Variants in SUGCT observed in about 807,000 individuals in gnomAD.
The protein encoded by SUGCT is succinyl-CoA:glutarate-CoA transferase.
In SUGCT, 41 loss-of-function variants were observed where a neutral mutation model predicts 55.0. The observed-to-expected ratio is 0.74, with a 90% CI of 0.58 to 0.97. The LOEUF (loss-of-function observed/expected upper bound fraction) is 0.97. Ranked by LOEUF, SUGCT falls within the 50% of genes least tolerant of loss-of-function variation. SUGCT has a pLI of 0.00. For missense variants in SUGCT, 568 were observed against 547.8 expected (o/e 1.04, Z -0.37); for synonymous variants, 187 against 200.4 (o/e 0.93, Z 0.56).
chr7:40,153,687 G>T (rs751285091), intron 1 of SUGCT: 3 of 508,336 alleles, frequency 5.9e-6, no homozygotes, highest in Non-Finnish European at 7.9e-6. Context: ...ATGTTTTCAC[G>T]TTATATTCTG....
chr7:40,402,502 T>C (rs1583603445), intron 9 of SUGCT, among the ~76,000 whole-genome samples: 1 of 152,228 alleles, frequency 6.6e-6, no homozygotes, highest in East Asian at 1.9e-4. Flanking sequence ...TGGGGGAAAA[T>C]TTATTATTAG....
chr7:40,674,132 A>G (rs1382032884), intron 12 of SUGCT, among the ~76,000 whole-genome samples: 3 of 152,248 alleles, frequency 2.0e-5, no homozygotes, highest in Non-Finnish European at 4.4e-5. Flanking sequence ...GTTTTTTCAA[A>G]GAACAGGTTT....
chr7:40,558,711 A>AGTT (rs1431140300), intron 12 of SUGCT, among the ~76,000 whole-genome samples: 20 of 152,358 alleles, frequency 1.3e-4, no homozygotes, highest in African/African-American at 4.6e-4. Flanking sequence ...CACAACATTG[A>AGTT]GAATGTACTT....
At chr7:40,801,778 AC>A (rs766149935) in intron 13 of SUGCT, among the ~76,000 whole-genome samples, 20 of 152,240 alleles carry the variant, frequency 1.3e-4, no homozygotes, top group Admixed American at 7.8e-4. Flanking sequence ...GAAAATAACA[AC>A]CCTAAAGATG....
At chr7:40,694,150 C>T (rs944141113) in intron 12 of SUGCT, among the ~76,000 whole-genome samples, 1 of 152,050 alleles carries the variant, frequency 6.6e-6, no homozygotes, top group African/African-American at 2.4e-5. Flanking sequence ...CTTCTATTTT[C>T]GTTTTCCGTT....
At chr7:40,934,610 T>G in the SUGCT span, among the ~76,000 whole-genome samples, 2 of 152,176 alleles carry the variant, frequency 1.3e-5, no homozygotes, top group Non-Finnish European at 2.9e-5. Flanking sequence ...TTTTGAGCTT[T>G]CTGGCCTCTT....
intron 12 of SUGCT, among the ~76,000 whole-genome samples, chr7:40,577,201 G>A (rs966338466): frequency 6.6e-6 from 1 of 152,164 alleles, no homozygotes; most frequent in African/African-American, 2.4e-5. Flanking sequence ...CACTTGCAAG[G>A]ATGTTAATAC....
intron 12 of SUGCT, among the ~76,000 whole-genome samples, chr7:40,629,958 A>G (rs1169347254): frequency 1.3e-5 from 2 of 152,160 alleles, no homozygotes; most frequent in South Asian, 2.1e-4. Flanking sequence ...GGCCAATTTC[A>G]TTGGAGAAAT....
chr7:40,866,974 T>C, the SUGCT span, among the ~76,000 whole-genome samples: 2 of 151,620 alleles, frequency 1.3e-5, no homozygotes, highest in Admixed American at 1.3e-4. Flanking sequence ...GAAGGTTTAT[T>C]AGCTCGGCAA....
intron 12 of SUGCT, among the ~76,000 whole-genome samples, chr7:40,636,019 C>A (rs572202643): frequency 1.3e-5 from 2 of 152,308 alleles, no homozygotes; most frequent in Admixed American, 1.3e-4. Context: ...CTGATATATA[C>A]CTATGTGATG....
At chr7:40,274,073 CTTTTTTTTTTTT>C (rs386409972) in intron 7 of SUGCT, among the ~76,000 whole-genome samples, 3 of 68,002 alleles carry the variant, frequency 4.4e-5, no homozygotes, top group African/African-American at 5.9e-5. Flanking sequence ...TTTTTACCTT[CTTTTTTTTTTTT>C]TTTTTTTTTT....
At chr7:40,213,630 C>T (rs894010180) in intron 6 of SUGCT, among the ~76,000 whole-genome samples, 2 of 152,144 alleles carry the variant, frequency 1.3e-5, no homozygotes, top group Non-Finnish European at 2.9e-5. Context: ...AGCTTCACCT[C>T]CTGAGGAGGT....
chr7:40,666,368 A>AAGGG (rs1429071457), intron 12 of SUGCT, among the ~76,000 whole-genome samples: 1 of 144,530 alleles, frequency 6.9e-6, no homozygotes, highest in Admixed American at 6.8e-5. Context: ...GGAAGGAAGG[A>AAGGG]AGGAAGGAAG....
chr7:40,236,381 C>T (rs1034143508), intron 6 of SUGCT, among the ~76,000 whole-genome samples: 6 of 130,976 alleles, frequency 4.6e-5, no homozygotes, highest in African/African-American at 1.2e-4. Flanking sequence ...TAGCAATAAG[C>T]ATCAGGACTG....
chr7:40,194,944 C>T lies in SUGCT; in HGVS notation c.368C>T (p.Ala123Val), dbSNP rs556534019. 18 of 1,612,856 alleles carry T rather than the reference C, an allele frequency of 1.1e-5. No homozygotes were observed. The highest frequency in any genetic ancestry group is 1.7e-4 in the Middle Eastern group (1 of 6,058). The part of the protein sequence containing the change: ...PKGVKIIKEL[A>V]AVCDVFVENY... ...CATGTTCACCTCTTCCATCAGCTTG[C>T]AGCTGTTTGTGATGTGTTTGTGGAA... The change falls in exon 6 of 14, where the codon GCA becomes GTA. Residue 123 changes from alanine to valine, a missense_variant. By Grantham distance (64) the Ala-to-Val change is moderately conservative. Transcript: ENST00000335693.
the SUGCT span, among the ~76,000 whole-genome samples, chr7:40,899,076 A>C: frequency 6.6e-6 from 1 of 152,120 alleles, no homozygotes; most frequent in Admixed American, 6.5e-5. Context: ...AGAACCCCCC[A>C]GAGCTCTGAG....
intron 1 of SUGCT, among the ~76,000 whole-genome samples, chr7:40,135,955 C>T (rs1442459341): frequency 6.7e-6 from 1 of 150,114 alleles, no homozygotes; most frequent in Non-Finnish European, 1.5e-5. Context: ...TATGATTATG[C>T]GCGCGGCCCA....
chr7:40,426,147 T>C (rs990106839), intron 9 of SUGCT, among the ~76,000 whole-genome samples: 2 of 152,138 alleles, frequency 1.3e-5, no homozygotes, highest in African/African-American at 4.8e-5. Context: ...CTGAGAGAAG[T>C]TACTCGGTAT....
chr7:40,701,523 A>G lies in SUGCT; in HGVS notation c.1090-47911A>G, dbSNP rs1921741. ...CCCAACAAACGATGATATGCTGGGT[A>G]TATGCATAGTATTTTCCAGGCGATC... On this transcript the variant is annotated intron_variant, in intron 12 of 13. Coordinates refer to ENST00000335693, the MANE Select transcript of SUGCT (RefSeq NM_001193313.2). Among the ~76,000 whole-genome samples, 1,070 of 152,186 alleles carry G rather than the reference A, an allele frequency of 7.0e-3. 8 individuals are homozygous for G. The highest frequency in any genetic ancestry group is 0.025 in the African/African-American group (1,022 of 41,538).
Sources: allele counts gnomAD v4.1 joint callset (sites outside exome capture counted in the v4.1 genomes callset), GRCh38; gene constraint gnomAD v4.1.1; transcripts MANE v1.5; gene names NCBI Gene and HGNC (gene_info 2026-07-23, HGNC 2026-07-21).